The following LRRTM3 variants were observed in gnomAD, a reference collection of about 807,000 sequenced individuals.
The protein encoded by LRRTM3 is leucine-rich repeat transmembrane neuronal protein 3.
In LRRTM3, 24 loss-of-function variants were observed where a neutral mutation model predicts 44.7. That is an observed-to-expected ratio of 0.54 (90% CI 0.39 to 0.76). The LOEUF is 0.76. Ranked by LOEUF, LRRTM3 falls within the 30% of genes least tolerant of loss-of-function variation. The pLI is 0.00. For missense variants in LRRTM3, 587 were observed against 702.2 expected, an observed-to-expected ratio of 0.84 and a Z score of 1.85; for synonymous variants, 277 against 278.7, an observed-to-expected ratio of 0.99 and a Z score of 0.06.
intron 2 of LRRTM3, among the ~76,000 whole-genome samples, chr10:67,085,220 C>T (rs1857236103): frequency 6.6e-6 from 1 of 151,572 alleles, no homozygotes; most frequent in Non-Finnish European, 1.5e-5. Context: ...TGATCAAAGC[C>T]ATAGTTGAAA....
chr10:67,045,925 A>T (rs1854716146), intron 2 of LRRTM3, among the ~76,000 whole-genome samples: 1 of 152,218 alleles, frequency 6.6e-6, no homozygotes, highest in Admixed American at 6.5e-5. Context: ...AATGCACAAG[A>T]ACTTCTCGAG....
chr10:66,951,949 A>G (rs1848559586), intron 2 of LRRTM3, among the ~76,000 whole-genome samples: 1 of 152,176 alleles, frequency 6.6e-6, no homozygotes, highest in Non-Finnish European at 1.5e-5. Context: ...CCTGTCTCAG[A>G]ACTCTTTAGA....
intron 2 of LRRTM3, among the ~76,000 whole-genome samples, chr10:66,952,623 T>A (rs1848592001): frequency 6.6e-6 from 1 of 152,008 alleles, no homozygotes; most frequent in African/African-American, 2.4e-5. Context: ...TTATAGAAGG[T>A]AAATCAATTA....
At chr10:67,025,981 C>A (rs2133091255) in intron 2 of LRRTM3, among the ~76,000 whole-genome samples, 1 of 151,024 alleles carries the variant, frequency 6.6e-6, no homozygotes, top group African/African-American at 2.5e-5. Flanking sequence ...AATTGGAAAT[C>A]ATCATTCTCA....
chr10:67,008,838 T>C (rs1285175353), intron 2 of LRRTM3, among the ~76,000 whole-genome samples: 1 of 152,180 alleles, frequency 6.6e-6, no homozygotes, highest in Non-Finnish European at 1.5e-5. Flanking sequence ...GTTTACCTTA[T>C]TGTTTTTCAG....
intron 2 of LRRTM3, among the ~76,000 whole-genome samples, chr10:67,087,418 AG>A (rs935181851): frequency 2.6e-5 from 4 of 152,022 alleles, no homozygotes; most frequent in African/African-American, 9.7e-5. Flanking sequence ...TGCAATTTAT[AG>A]GGGGAAAATC....
intron 2 of LRRTM3, among the ~76,000 whole-genome samples, chr10:67,048,564 A>T (rs1247095002): frequency 6.6e-6 from 1 of 152,092 alleles, no homozygotes; most frequent in Non-Finnish European, 1.5e-5. Flanking sequence ...TACCTTAAGG[A>T]CTATTATATA....
chr10:67,045,422 T>G (rs1854667619), intron 2 of LRRTM3, among the ~76,000 whole-genome samples: 1 of 152,148 alleles, frequency 6.6e-6, no homozygotes, highest in South Asian at 2.1e-4. Flanking sequence ...GTTTTTTTGT[T>G]GTTGTTGTTT....
chr10:67,051,320 CTA>C (rs1440889702), intron 2 of LRRTM3, among the ~76,000 whole-genome samples: 9 of 152,122 alleles, frequency 5.9e-5, no homozygotes, highest in Non-Finnish European at 1.3e-4. Context: ...CAATTGTACT[CTA>C]TGTCTTATCT....
chr10:66,969,115 C>A (rs1201583449), intron 2 of LRRTM3, among the ~76,000 whole-genome samples: 4 of 151,976 alleles, frequency 2.6e-5, no homozygotes, highest in Non-Finnish European at 4.4e-5. Flanking sequence ...TATTTTCTGA[C>A]TGCAAAAGCA....
At chr10:67,016,367 C>T (rs915474676) in intron 2 of LRRTM3, among the ~76,000 whole-genome samples, 4 of 152,014 alleles carry the variant, frequency 2.6e-5, no homozygotes, top group East Asian at 1.9e-4. Flanking sequence ...GTTCTTCCCT[C>T]GTTTCTTTTT....
At chr10:67,064,603 T>C (rs989969802) in intron 2 of LRRTM3, among the ~76,000 whole-genome samples, 1 of 152,204 alleles carries the variant, frequency 6.6e-6, no homozygotes, top group Non-Finnish European at 1.5e-5. Context: ...GTGTTTTAAT[T>C]TCTGTCCATG....
chr10:66,936,306 C>T (rs192838759), intron 2 of LRRTM3, among the ~76,000 whole-genome samples: 45 of 151,922 alleles, frequency 3.0e-4, no homozygotes, highest in African/African-American at 1.1e-3. Context: ...TCACATTATA[C>T]GTTTCTTAAT....
intron 2 of LRRTM3, among the ~76,000 whole-genome samples, chr10:66,998,154 C>T (rs185956128): frequency 5.6e-4 from 86 of 152,294 alleles, no homozygotes; most frequent in Middle Eastern, 3.4e-3. Context: ...ATTCCTAACA[C>T]GGCATTTTAG....
At chr10:66,955,339 A>G (rs1848731425) in intron 2 of LRRTM3, among the ~76,000 whole-genome samples, 2 of 152,172 alleles carry the variant, frequency 1.3e-5, no homozygotes, top group South Asian at 4.1e-4. Flanking sequence ...ATTACTGATT[A>G]CTCACTATGT....
At chr10:66,952,608 G>T (rs2132727352) in intron 2 of LRRTM3, among the ~76,000 whole-genome samples, 1 of 152,040 alleles carries the variant, frequency 6.6e-6, no homozygotes, top group South Asian at 2.1e-4. Context: ...AGCAATAATG[G>T]GCCATTATAG....
At chr10:67,094,086 T>C (rs982009335) in intron 2 of LRRTM3, among the ~76,000 whole-genome samples, 1 of 151,940 alleles carries the variant, frequency 6.6e-6, no homozygotes, top group Non-Finnish European at 1.5e-5. Flanking sequence ...CAACATATGA[T>C]GTTGATATAG....
intron 2 of LRRTM3, among the ~76,000 whole-genome samples, chr10:67,024,138 A>G (rs897309486): frequency 6.6e-6 from 1 of 152,150 alleles, no homozygotes; most frequent in Non-Finnish European, 1.5e-5. Flanking sequence ...TCTAGGGGAA[A>G]ATATGTTTCC....
Position 67,097,797 on chromosome 10 carries a change from CTG to C in LRRTM3, c.*2_*3del. The C allele has an allele frequency of 6.2e-7, 1 of 1,611,986 alleles. No homozygotes were observed. The highest frequency in any genetic ancestry group is 1.1e-5 in the South Asian group (1 of 91,048). On this transcript the variant is annotated 3_prime_UTR_variant, in exon 3 of 3. Coordinates refer to ENST00000361320, the MANE Select transcript of LRRTM3 (RefSeq NM_178011.5). ...TGACCATAAACAGCAGCTAGCTTAA[CTG>C]AGATCATTGGTAGCCAGGGGTTGCT... is the stretch of plus-strand genomic sequence containing the variant.
Sources: gnomAD v4.1 joint callset for allele counts (sites outside exome capture counted in the v4.1 genomes callset) on GRCh38, gnomAD v4.1.1 for gene constraint, MANE v1.5 for transcripts, NCBI Gene and HGNC (gene_info 2026-07-23, HGNC 2026-07-21) for gene names.